Variants in KCNIP4 observed in about 807,000 individuals in gnomAD.
The protein encoded by KCNIP4 is Kv channel-interacting protein 4.
KCNIP4 carries 12 observed loss-of-function variants against 34.0 expected under a neutral mutation model. The ratio of observed to expected loss-of-function variants is 0.35; its 90% CI spans 0.23 to 0.57. The LOEUF (loss-of-function observed/expected upper bound fraction) is 0.57, where lower values mean the gene tolerates loss of function less well. Ranked by LOEUF, KCNIP4 falls within the 20% of genes least tolerant of loss-of-function variation. The pLI is 0.83. For synonymous variants in KCNIP4, 124 were observed against 102.2 expected (o/e 1.21, Z -1.29); for missense variants, 238 against 311.7 (o/e 0.76, Z 1.78).
intron 3 of KCNIP4, among the ~76,000 whole-genome samples, chr4:20,828,189 G>A (rs952070513): frequency 6.6e-6 from 1 of 152,196 alleles, no homozygotes; most frequent in African/African-American, 2.4e-5. Flanking sequence ...AGCACTTTGG[G>A]AGGCCGAGGC....
At chr4:21,126,244 C>G (rs1191724908) in intron 1 of KCNIP4, among the ~76,000 whole-genome samples, 1 of 152,156 alleles carries the variant, frequency 6.6e-6, no homozygotes, top group African/African-American at 2.4e-5. Context: ...GGGCTGAAAT[C>G]AGAAGATTTT....
chr4:20,756,172 T>TAAA (rs61417409), intron 4 of KCNIP4, among the ~76,000 whole-genome samples: 85 of 139,308 alleles, frequency 6.1e-4, no homozygotes, highest in African/African-American at 9.7e-4. Flanking sequence ...TGGAAAGTAG[T>TAAA]AAAAAAAAAA....
At chr4:21,932,183 G>T (rs562363907) in intron 1 of KCNIP4, among the ~76,000 whole-genome samples, 1 of 152,234 alleles carries the variant, frequency 6.6e-6, no homozygotes, top group African/African-American at 2.4e-5. Flanking sequence ...AGTATCTAAT[G>T]TAATCTTTGA....
At chr4:21,591,755 G>C (rs1253289526) in intron 1 of KCNIP4, among the ~76,000 whole-genome samples, 1 of 151,964 alleles carries the variant, frequency 6.6e-6, no homozygotes, top group Non-Finnish European at 1.5e-5. Context: ...TTTAATACTT[G>C]CAAGTGTGCA....
chr4:21,507,139 T>C (rs1346642377), intron 1 of KCNIP4, among the ~76,000 whole-genome samples: 1 of 151,996 alleles, frequency 6.6e-6, no homozygotes, highest in Non-Finnish European at 1.5e-5. Flanking sequence ...TTTAATATTA[T>C]TAAATATTAT....
At chr4:20,946,065 C>G (rs769306123) in intron 1 of KCNIP4, among the ~76,000 whole-genome samples, 2 of 152,124 alleles carry the variant, frequency 1.3e-5, no homozygotes, top group African/African-American at 4.8e-5. Context: ...ATGTCAGACA[C>G]TGCTCTAAGT....
chr4:21,717,774 T>C (rs12501226), intron 1 of KCNIP4, among the ~76,000 whole-genome samples: 49,216 of 152,040 alleles, frequency 0.32, 8,912 homozygotes, highest in East Asian at 0.67. Context: ...GTCATTTTCA[T>C]TGGCCCCACT....
At chr4:21,947,490 A>T (rs528225893) in intron 1 of KCNIP4, among the ~76,000 whole-genome samples, 2 of 152,190 alleles carry the variant, frequency 1.3e-5, no homozygotes, top group Non-Finnish European at 2.9e-5. Context: ...GACCTTAACT[A>T]TTGGAGTGAG....
At chr4:21,619,562 G>A (rs1050581662) in intron 1 of KCNIP4, among the ~76,000 whole-genome samples, 2 of 152,100 alleles carry the variant, frequency 1.3e-5, no homozygotes, top group African/African-American at 4.8e-5. Context: ...TAGAACCTTT[G>A]GAGACTGGAG....
intron 2 of KCNIP4, among the ~76,000 whole-genome samples, chr4:20,876,030 A>T (rs182716033): frequency 6.6e-6 from 1 of 152,288 alleles, no homozygotes; most frequent in East Asian, 1.9e-4. Context: ...TGTCATATTC[A>T]TGCTCCCATT....
intron 3 of KCNIP4, among the ~76,000 whole-genome samples, chr4:20,828,244 T>G (rs1718010481): frequency 6.6e-6 from 1 of 152,034 alleles, no homozygotes; most frequent in African/African-American, 2.4e-5. Context: ...CTGGCCAACA[T>G]GGTGAAACCC....
intron 1 of KCNIP4, among the ~76,000 whole-genome samples, chr4:21,468,460 T>A (rs1170756647): frequency 2.6e-5 from 4 of 152,096 alleles, no homozygotes; most frequent in Non-Finnish European, 4.4e-5. Context: ...TGAGGTAAGT[T>A]GTGCTTTCAT....
chr4:21,165,241 C>T (rs1577811292), intron 1 of KCNIP4, among the ~76,000 whole-genome samples: 1 of 3,934 alleles, frequency 2.5e-4, no homozygotes, highest in South Asian at 5.0e-3. Context: ...GGGAATATCA[C>T]ACTCTGGGGA....
At chr4:21,038,980 A>G (rs1741708493) in intron 1 of KCNIP4, among the ~76,000 whole-genome samples, 1 of 152,174 alleles carries the variant, frequency 6.6e-6, no homozygotes, top group Non-Finnish European at 1.5e-5. Context: ...TGTTTTTGAG[A>G]GTTCACTGCA....
intron 3 of KCNIP4, among the ~76,000 whole-genome samples, chr4:20,820,753 G>A (rs369693084): frequency 1.3e-5 from 2 of 152,176 alleles, no homozygotes; most frequent in Non-Finnish European, 2.9e-5. Context: ...TGGGGGCCAA[G>A]GTCCCTGTGG....
intron 1 of KCNIP4, among the ~76,000 whole-genome samples, chr4:21,814,991 A>G (rs766070196): frequency 1.3e-5 from 2 of 152,186 alleles, no homozygotes; most frequent in Non-Finnish European, 2.9e-5. Context: ...TTTTTCAACA[A>G]CTTTATAGAA....
chr4:20,837,686 A>ATATATAT (rs1350419753), intron 3 of KCNIP4, among the ~76,000 whole-genome samples: 2 of 117,400 alleles, frequency 1.7e-5, no homozygotes, highest in African/African-American at 6.7e-5. Flanking sequence ...ATATATATAT[A>ATATATAT]TTTTTTTTTC....
chr4:21,640,183 C>T (rs947303383), intron 1 of KCNIP4, among the ~76,000 whole-genome samples: 1 of 152,178 alleles, frequency 6.6e-6, no homozygotes, highest in African/African-American at 2.4e-5. Context: ...ATTCTGATTG[C>T]CGCTTTGACT....
chr4:20,990,510 C>T (rs535287353), intron 1 of KCNIP4, among the ~76,000 whole-genome samples: 1 of 152,336 alleles, frequency 6.6e-6, no homozygotes, highest in East Asian at 1.9e-4. Context: ...AAACTACCTT[C>T]CATCCTAAGA....
Sources: gnomAD v4.1 joint callset for allele counts (sites outside exome capture counted in the v4.1 genomes callset) on GRCh38, gnomAD v4.1.1 for gene constraint, MANE v1.5 for transcripts, NCBI Gene and HGNC (gene_info 2026-07-23, HGNC 2026-07-21) for gene names.